Variants in ANKRD42 observed in about 807,000 individuals in gnomAD.
ANKRD42 encodes the protein ankyrin repeat domain-containing protein 42.
A neutral mutation model predicts 51.5 loss-of-function variants in ANKRD42; 43 were observed. That is an observed-to-expected ratio of 0.83 (90% CI 0.65 to 1.08). The LOEUF is 1.08. ANKRD42 is among the 50% of genes least tolerant of loss of function. The pLI is 0.00. For missense variants in ANKRD42, 608 were observed against 629.3 expected (o/e 0.97, Z 0.36); for synonymous variants, 203 against 213.0 (o/e 0.95, Z 0.41).
intron 5 of ANKRD42, among the ~76,000 whole-genome samples, chr11:83,216,658 C>T (rs1044477666): frequency 3.3e-5 from 5 of 152,154 alleles, no homozygotes; most frequent in Non-Finnish European, 7.4e-5. Context: ...TTCTGGTGAT[C>T]GTAAATTGTC....
At chr11:83,225,396 A>G (rs539620388) in intron 6 of ANKRD42, among the ~76,000 whole-genome samples, 4 of 151,932 alleles carry the variant, frequency 2.6e-5, no homozygotes, top group East Asian at 3.9e-4. Flanking sequence ...GTAAAACCCT[A>G]TCTCTACAAA....
intron 5 of ANKRD42, among the ~76,000 whole-genome samples, chr11:83,219,642 A>G (rs989358318): frequency 6.6e-6 from 1 of 152,144 alleles, no homozygotes; most frequent in African/African-American, 2.4e-5. Flanking sequence ...CTTCCCTCCA[A>G]CACCAGTTAT....
intron 7 of ANKRD42, among the ~76,000 whole-genome samples, chr11:83,231,558 G>A (rs11233532): frequency 9.2e-5 from 14 of 152,100 alleles, no homozygotes; most frequent in African/African-American, 3.4e-4. Context: ...TTAACTTGAT[G>A]TGATCCCATT....
At position 83,198,480 on chromosome 11, in the gene ANKRD42, T is replaced by C. The variant is rs750868327; in HGVS notation, c.60T>C (p.Cys20=). ...STSSRETANP[C]SRKKVHFGSI... is the part of the protein sequence containing the mutation. ...GTAAGTAATTTGATTTTTCAATAGG[T>C]TCCAGGAAGAAGGTGCATTTTGGCA... is the stretch of plus-strand genomic sequence containing the variant. Residue 20 remains cysteine (C), a splice_region_variant and synonymous_variant, in exon 2 of 11, where the codon TGT becomes TGC. Transcript: ENST00000533342. The C allele has an allele frequency of 3.1e-6, 5 of 1,611,354 alleles. No individual in the cohort carries two copies. The highest frequency in any genetic ancestry group is 4.2e-6 in the Non-Finnish European group (5 of 1,178,532).
chr11:83,223,899 CT>C (rs1436998283), intron 5 of ANKRD42, among the ~76,000 whole-genome samples: 3 of 150,058 alleles, frequency 2.0e-5, no homozygotes, highest in Non-Finnish European at 4.4e-5. Context: ...CTGTCTTGGT[CT>C]TTGTAATCAT....
intron 5 of ANKRD42, chr11:83,213,334 A>G (rs979414823): frequency 3.8e-6 from 6 of 1,582,594 alleles, no homozygotes; most frequent in African/African-American, 2.7e-5. Context: ...CATCGTGGAA[A>G]GAGCTGCCCA....
intron 2 of ANKRD42, among the ~76,000 whole-genome samples, chr11:83,202,775 T>C (rs1332653182): frequency 6.6e-6 from 1 of 152,210 alleles, no homozygotes; most frequent in African/African-American, 2.4e-5. Flanking sequence ...AATTTTATTC[T>C]CTATTAGATT....
chr11:83,204,991 A>C (rs78887941), intron 2 of ANKRD42, among the ~76,000 whole-genome samples: 3,212 of 152,280 alleles, frequency 0.021, 118 homozygotes, highest in African/African-American at 0.07. Flanking sequence ...AAAACAAAAA[A>C]CCAAAAAAAT....
At chr11:83,223,770 T>C (rs566191563) in intron 5 of ANKRD42, among the ~76,000 whole-genome samples, 2 of 152,298 alleles carry the variant, frequency 1.3e-5, no homozygotes, top group East Asian at 3.9e-4. Context: ...GGACTTCTTT[T>C]CTGGTACTTC....
At chr11:83,239,078 G>A (rs539309996) in intron 8 of ANKRD42, among the ~76,000 whole-genome samples, 2 of 152,158 alleles carry the variant, frequency 1.3e-5, no homozygotes, top group Admixed American at 1.3e-4. Flanking sequence ...CCATCATTTG[G>A]TATTGTCAGG....
Position 83,215,992 on chromosome 11 carries a change from A to G in ANKRD42, c.586+4562A>G, listed in dbSNP as rs928021581. ...GTATTTTTCATAGAGATGGGGTTTC[A>G]CCATGTTGGCCAGGCTGGTCTCAAA... is the stretch of plus-strand genomic sequence containing the variant. On this transcript the variant is annotated intron_variant, in intron 5 of 10. Coordinates refer to ENST00000533342, the MANE Select transcript of ANKRD42 (RefSeq NM_001300975.2). 9.9e-5 allele frequency among the ~76,000 whole-genome samples: 15 copies of G among 152,178 alleles called. No individual in the cohort carries two copies. The East Asian group carries it at 2.9e-3, about 29-fold the overall frequency.
At chr11:83,226,228 TACAC>T in intron 6 of ANKRD42, among the ~76,000 whole-genome samples, 1 of 140,344 alleles carries the variant, frequency 7.1e-6, no homozygotes. Flanking sequence ...CACACACACA[TACAC>T]ACACACATAC....
At chr11:83,214,331 T>A in intron 5 of ANKRD42, 1 of 647,312 alleles carries the variant, frequency 1.5e-6, no homozygotes, top group South Asian at 6.9e-5. Context: ...ATATTTATAT[T>A]CCCAATCCTC....
At chr11:83,224,781 C>A in intron 5 of ANKRD42, 74 bp from the exon 6 acceptor site, 1 of 1,222,634 alleles carries the variant, frequency 8.2e-7, no homozygotes, top group Non-Finnish European at 1.1e-6. Flanking sequence ...AAGATCTTGT[C>A]TCTAAATACA....
At chr11:83,215,567 A>G (rs1862501675) in intron 5 of ANKRD42, among the ~76,000 whole-genome samples, 1 of 151,994 alleles carries the variant, frequency 6.6e-6, no homozygotes, top group South Asian at 2.1e-4. Context: ...TTTCTCTGGT[A>G]GTATGTTTTA....
chr11:83,238,334 A>G (rs1281302684), intron 8 of ANKRD42, among the ~76,000 whole-genome samples: 3 of 152,238 alleles, frequency 2.0e-5, no homozygotes, highest in Non-Finnish European at 4.4e-5. Context: ...TTGTTGGGCC[A>G]TATGCCAAGT....
At chr11:83,260,493 T>C (rs1393411185), downstream of ANKRD42, 5 of 152,236 alleles carry the variant, frequency 3.3e-5, no homozygotes, top group African/African-American at 9.6e-5. Flanking sequence ...GGTTTTTCTT[T>C]TGAAAACAAA....
intron 9 of ANKRD42, 53 bp from the exon 10 acceptor site, chr11:83,245,445 A>G (rs1227973732): frequency 2.0e-5 from 30 of 1,513,118 alleles, no homozygotes; most frequent in Non-Finnish European, 2.6e-5. Flanking sequence ...CACCCAGTGG[A>G]CACATGAGCT....
intron 7 of ANKRD42, among the ~76,000 whole-genome samples, chr11:83,234,900 G>A (rs1202314517): frequency 6.6e-6 from 1 of 152,188 alleles, no homozygotes; most frequent in Non-Finnish European, 1.5e-5. Context: ...AGAGTTCTTA[G>A]AGACTTGCCA....
Sources: gnomAD v4.1 joint callset for allele counts (sites outside exome capture counted in the v4.1 genomes callset) on GRCh38, gnomAD v4.1.1 for gene constraint, MANE v1.5 for transcripts, NCBI Gene and HGNC (gene_info 2026-07-23, HGNC 2026-07-21) for gene names.